PCDHA3: variants seen among roughly 807,000 people sequenced by gnomAD.
The protein encoded by PCDHA3 is protocadherin alpha 3.
PCDHA3 carries 41 observed loss-of-function variants against 62.2 expected under a neutral mutation model. That is an observed-to-expected ratio of 0.66 (90% CI 0.51 to 0.86). PCDHA3 has a LOEUF of 0.86. Ranked by LOEUF, PCDHA3 falls within the 40% of genes least tolerant of loss-of-function variation. The pLI is 0.00. For missense variants in PCDHA3, 1,304 were observed against 1,241.2 expected, an observed-to-expected ratio of 1.05 and a Z score of -0.76; for synonymous variants, 640 against 555.4, an observed-to-expected ratio of 1.15 and a Z score of -2.14.
chr5:140,959,085 G>A (rs1286885776), intron 1 of PCDHA3, among the ~76,000 whole-genome samples: 8 of 151,980 alleles, frequency 5.3e-5, no homozygotes, highest in African/African-American at 1.9e-4. Flanking sequence ...ATTATCCTTG[G>A]TTTCGGACAT....
intron 1 of PCDHA3, chr5:140,871,243 C>G (rs1246479266): frequency 6.2e-7 from 1 of 1,613,862 alleles, no homozygotes; most frequent in African/African-American, 1.3e-5. Context: ...GGTACTCACG[C>G]TGCTGCTGTA....
intron 1 of PCDHA3, among the ~76,000 whole-genome samples, chr5:140,941,202 C>CCTTTCTTCCTTTCTTTTTCTTT (rs1394736170): frequency 8.1e-6 from 1 of 122,742 alleles, no homozygotes; most frequent in African/African-American, 3.0e-5. Flanking sequence ...TTTCTTTCTT[C>CCTTTCTTCCTTTCTTTTTCTTT]CTTTCTTTCT....
chr5:140,853,351 C>T, intron 1 of PCDHA3: 1 of 982,872 alleles, frequency 1.0e-6, no homozygotes, highest in Non-Finnish European at 1.2e-6. Context: ...CAAACATGAA[C>T]TCACAGGGAT....
chr5:140,807,525 C>G, intron 1 of PCDHA3: 1 of 1,614,052 alleles, frequency 6.2e-7, no homozygotes, highest in South Asian at 1.1e-5. Flanking sequence ...GTAGACAGGC[C>G]GCTGCAGGTT....
intron 1 of PCDHA3, among the ~76,000 whole-genome samples, chr5:140,832,117 A>G (rs1431640218): frequency 6.6e-6 from 1 of 152,252 alleles, no homozygotes; most frequent in African/African-American, 2.4e-5. Flanking sequence ...AGCAATTTAA[A>G]ATGTGTGTTT....
chr5:140,856,947 A>T (rs1486886568), intron 1 of PCDHA3: 1 of 1,592,258 alleles, frequency 6.3e-7, no homozygotes. Flanking sequence ...AGGACGGGAG[A>T]AATAAAAGTA....
At chr5:140,982,364 T>A in intron 2 of PCDHA3, 111 bp from the exon 3 acceptor site, 1 of 1,534,660 alleles carries the variant, frequency 6.5e-7, no homozygotes, top group Non-Finnish European at 8.8e-7. Flanking sequence ...ATGAGCAGAA[T>A]GTGTTAGCTG....
intron 1 of PCDHA3, chr5:140,876,016 A>G (rs1554168175): frequency 6.2e-7 from 1 of 1,613,818 alleles, no homozygotes; most frequent in South Asian, 1.1e-5. Flanking sequence ...TGAGCTTAAA[A>G]TAAAAACAAA....
rs1361440512 is a variant in PCDHA3, at chr5:140,875,201, G to A, written c.2394+71610G>A. 5.0e-5 allele frequency: 30 copies of A among 595,474 alleles called. No homozygotes were observed. The East Asian group carries it at 1.1e-3, about 21-fold the overall frequency. 36.9% of individuals were successfully genotyped at this position (595,474 alleles called of 1,614,324 possible). A position where few individuals can be genotyped will look rare whatever the true frequency, so the allele number is the denominator to read the frequency against. On this transcript the variant is annotated intron_variant, in intron 1 of 3. Coordinates refer to ENST00000522353, the MANE Select transcript of PCDHA3 (RefSeq NM_018906.3). ...AGAATTAAGAGTGACCCAGGAAGTG[G>A]CTAAACCGAAAAGAACCTCAGGATC... is the stretch of plus-strand genomic sequence containing the variant.
chr5:140,825,376 AATATCTAAT>A (rs1315451832), intron 1 of PCDHA3: 2 of 146,378 alleles, frequency 1.4e-5, no homozygotes, highest in Non-Finnish European at 3.0e-5. Context: ...AAATATCTAA[AATATCTAAT>A]ATATATCTAA....
intron 1 of PCDHA3, among the ~76,000 whole-genome samples, chr5:140,831,997 T>C (rs1771794062): frequency 6.6e-6 from 1 of 152,244 alleles, no homozygotes; most frequent in African/African-American, 2.4e-5. Flanking sequence ...GGATTCCATA[T>C]TGTTTTCATT....
At chr5:140,937,067 T>C (rs2091302961) in intron 1 of PCDHA3, among the ~76,000 whole-genome samples, 1 of 148,650 alleles carries the variant, frequency 6.7e-6, no homozygotes, top group South Asian at 2.1e-4. Flanking sequence ...AGACGGAGTC[T>C]CGCTCTGTCG....
In PCDHA3 at chr5:140,846,504, A is replaced by G. The variant is rs910263180; in HGVS notation, c.2394+42913A>G. ...ATTCTCCTTCCTCAGCCTCCCAAGT[A>G]GCTGGGATTACAGGTGCATGCCACC... is the stretch of plus-strand genomic sequence containing the variant. On this transcript the variant is annotated intron_variant, in intron 1 of 3. Coordinates refer to ENST00000522353, the MANE Select transcript of PCDHA3 (RefSeq NM_018906.3). Among the ~76,000 whole-genome samples the G allele has an allele frequency of 1.4e-5, 2 of 146,302 alleles. 1 individual carries two copies. Among genetic ancestry groups the G allele is most frequent in the Non-Finnish European group, 3.0e-5 (2 of 66,038 alleles).
At chr5:140,864,373 TAA>T (rs1207632407) in intron 1 of PCDHA3, 1 of 152,248 alleles carries the variant, frequency 6.6e-6, no homozygotes, top group Non-Finnish European at 1.5e-5. Context: ...CTATAATCGA[TAA>T]GTTTATCTCT....
chr5:140,876,477 G>A, intron 1 of PCDHA3: 1 of 1,614,034 alleles, frequency 6.2e-7, no homozygotes, highest in Non-Finnish European at 8.5e-7. Flanking sequence ...GTCACAGCAT[G>A]GTCCTGGTGG....
At chr5:140,874,111 G>A (rs977519429) in intron 1 of PCDHA3, among the ~76,000 whole-genome samples, 2 of 152,174 alleles carry the variant, frequency 1.3e-5, no homozygotes, top group African/African-American at 2.4e-5. Flanking sequence ...ATTACTTAAC[G>A]TTTTATAGTT....
At chr5:140,883,655 T>A (rs782178754) in intron 1 of PCDHA3, 7 of 1,613,000 alleles carry the variant, frequency 4.3e-6, no homozygotes, top group African/African-American at 1.3e-5. Context: ...GTACACGGTG[T>A]TCGTGAAGGA....
At chr5:140,805,105 T>G in intron 1 of PCDHA3, 1 of 1,591,374 alleles carries the variant, frequency 6.3e-7, no homozygotes, top group Non-Finnish European at 8.5e-7. Flanking sequence ...TTGAAACTAT[T>G]GTCTAACAAG....
At chr5:140,935,255 C>T (rs914593610) in intron 1 of PCDHA3, among the ~76,000 whole-genome samples, 4 of 152,150 alleles carry the variant, frequency 2.6e-5, no homozygotes, top group African/African-American at 9.7e-5. Context: ...TAAAATACAT[C>T]ACATGTTTAT....
Sources: gnomAD v4.1 joint callset for allele counts (sites outside exome capture counted in the v4.1 genomes callset) on GRCh38, gnomAD v4.1.1 for gene constraint, MANE v1.5 for transcripts, NCBI Gene and HGNC (gene_info 2026-07-23, HGNC 2026-07-21) for gene names.